The following MAP2K1 variants were observed in gnomAD, a reference collection of about 807,000 sequenced individuals.
MAP2K1 encodes the protein mitogen-activated protein kinase kinase 1.
MAP2K1 carries 16 observed loss-of-function variants against 46.3 expected under a neutral mutation model. The ratio of observed to expected loss-of-function variants is 0.35; its 90% CI spans 0.23 to 0.52. MAP2K1 has a LOEUF of 0.52. Ranked by LOEUF, MAP2K1 falls within the 20% of genes least tolerant of loss-of-function variation. The probability of loss-of-function intolerance (pLI) is 0.94; values close to 1 mark genes in which losing one functional copy is unlikely to be tolerated. For missense variants in MAP2K1, 263 were observed against 497.1 expected (o/e 0.53, Z 4.48); for synonymous variants, 183 against 185.6 (o/e 0.99, Z 0.11).
At chr15:66,482,413 CCTCA>C (rs1238979993) in intron 6 of MAP2K1, among the ~76,000 whole-genome samples, 3 of 152,180 alleles carry the variant, frequency 2.0e-5, no homozygotes, top group African/African-American at 7.2e-5. Context: ...TTTTCTCCCT[CCTCA>C]CTATGTCTGT....
intron 5 of MAP2K1, among the ~76,000 whole-genome samples, chr15:66,452,890 A>C (rs1307938010): frequency 6.6e-6 from 1 of 152,130 alleles, no homozygotes; most frequent in Non-Finnish European, 1.5e-5. Flanking sequence ...TCTCTCATTA[A>C]CCTGTAAGTT....
At chr15:66,420,703 T>G (rs199903460) in intron 1 of MAP2K1, among the ~76,000 whole-genome samples, 2 of 23,902 alleles carry the variant, frequency 8.4e-5, no homozygotes, top group South Asian at 2.8e-3. Flanking sequence ...TACTTACTCT[T>G]GGCATATATA....
chr15:66,476,012 G>A (rs2140657508), intron 5 of MAP2K1, among the ~76,000 whole-genome samples: 1 of 152,316 alleles, frequency 6.6e-6, no homozygotes, highest in Admixed American at 6.5e-5. Flanking sequence ...GCTTTGAATA[G>A]TGTTATTCCT....
In MAP2K1 at chr15:66,443,357, T is replaced by C. The variant is rs768918234; in HGVS notation, c.516T>C (p.Ala172=). 1 of 1,589,546 alleles carries C rather than the reference T, an allele frequency of 6.3e-7. No homozygotes were observed. The highest frequency in any genetic ancestry group is 2.2e-5 in the East Asian group (1 of 44,714). The change falls in exon 4 of 11, where the codon GCT becomes GCC. Residue 172 remains alanine, a splice_region_variant and synonymous_variant. Coordinates refer to ENST00000307102, the MANE Select transcript of MAP2K1 (RefSeq NM_002755.4). ...AAATTTTAGGAAAAGTTAGCATTGC[T>C]GTGAGTATGTTATGAAGTTTTTCTT... The part of the protein sequence containing the change: ...PEQILGKVSI[A]VIKGLTYLRE...
At chr15:66,428,883 A>C (rs909947143) in intron 1 of MAP2K1, among the ~76,000 whole-genome samples, 1 of 143,160 alleles carries the variant, frequency 7.0e-6, no homozygotes, top group African/African-American at 2.6e-5. Context: ...AGGCTCTGGT[A>C]ATTCTCTCAC....
intron 3 of MAP2K1, among the ~76,000 whole-genome samples, chr15:66,438,281 G>T (rs2140587602): frequency 6.6e-6 from 1 of 151,868 alleles, no homozygotes; most frequent in South Asian, 2.1e-4. Flanking sequence ...TAGAGATGGG[G>T]TTTCACCATG....
intron 1 of MAP2K1, among the ~76,000 whole-genome samples, chr15:66,392,907 A>G (rs968238891): frequency 2.6e-5 from 4 of 152,150 alleles, no homozygotes; most frequent in Admixed American, 1.3e-4. Context: ...ATGCTATACA[A>G]TATGTGTCTA....
At chr15:66,438,432 G>T (rs1325078177) in intron 3 of MAP2K1, among the ~76,000 whole-genome samples, 1 of 152,030 alleles carries the variant, frequency 6.6e-6, no homozygotes. Flanking sequence ...GATACTAGGA[G>T]GCTTCTTCAT....
At chr15:66,461,536 G>C (rs955459614) in intron 5 of MAP2K1, among the ~76,000 whole-genome samples, 4 of 151,716 alleles carry the variant, frequency 2.6e-5, no homozygotes, top group Non-Finnish European at 5.9e-5. Context: ...ATAGAGTCTA[G>C]TGATATAGCT....
At chr15:66,436,676 A>G (rs1261696090) in intron 2 of MAP2K1, 70 bp from the exon 3 acceptor site, 3 of 1,453,700 alleles carry the variant, frequency 2.1e-6, no homozygotes, top group African/African-American at 1.4e-5. Flanking sequence ...AACATTTAAC[A>G]AGACTATATC....
intron 1 of MAP2K1, among the ~76,000 whole-genome samples, chr15:66,394,613 G>T (rs2093363529): frequency 6.6e-6 from 1 of 151,950 alleles, no homozygotes; most frequent in Non-Finnish European, 1.5e-5. Context: ...GTACCACCAT[G>T]CCTGGCTAAT....
chr15:66,415,193 A>G, intron 1 of MAP2K1: 1 of 512,330 alleles, frequency 2.0e-6, no homozygotes, highest in South Asian at 1.4e-5. Flanking sequence ...GGTATGACTG[A>G]TGCCATCTTG....
At chr15:66,462,893 A>G (rs1238834393) in intron 5 of MAP2K1, among the ~76,000 whole-genome samples, 1 of 152,166 alleles carries the variant, frequency 6.6e-6, no homozygotes, top group Non-Finnish European at 1.5e-5. Flanking sequence ...TCGGGAAGGG[A>G]TGGGACAAGA....
chr15:66,404,775 G>C (rs113892941), intron 1 of MAP2K1, among the ~76,000 whole-genome samples: 6 of 151,420 alleles, frequency 4.0e-5, no homozygotes, highest in Non-Finnish European at 5.9e-5. Flanking sequence ...GAGGGGACAC[G>C]GTGAGCGGAA....
chr15:66,461,260 C>T (rs1892311920), intron 5 of MAP2K1, among the ~76,000 whole-genome samples: 1 of 152,002 alleles, frequency 6.6e-6, no homozygotes, highest in South Asian at 2.1e-4. Context: ...GAGGCTGAGG[C>T]AGGTGGATCA....
intron 5 of MAP2K1, among the ~76,000 whole-genome samples, chr15:66,468,492 T>C (rs552468221): frequency 2.6e-5 from 4 of 152,302 alleles, no homozygotes; most frequent in South Asian, 4.1e-4. Context: ...CATACAATTA[T>C]AGAAATCTAT....
intron 1 of MAP2K1, among the ~76,000 whole-genome samples, chr15:66,412,193 A>C (rs1379139457): frequency 6.6e-6 from 1 of 152,228 alleles, no homozygotes; most frequent in Non-Finnish European, 1.5e-5. Flanking sequence ...AACTTACTGC[A>C]TAGCTAATAA....
At chr15:66,471,650 T>C (rs942205778) in intron 5 of MAP2K1, among the ~76,000 whole-genome samples, 39 of 63,962 alleles carry the variant, frequency 6.1e-4, no homozygotes, top group African/African-American at 2.2e-3. Context: ...GCTCAAACAA[T>C]AAAGATGATT....
At chr15:66,488,464 T>C (rs923429907) in intron 8 of MAP2K1, among the ~76,000 whole-genome samples, 10 of 152,174 alleles carry the variant, frequency 6.6e-5, no homozygotes, top group Admixed American at 6.5e-4. Flanking sequence ...ATTATGTCTG[T>C]GGGTCAGCAT....
Sources: allele counts gnomAD v4.1 joint callset (sites outside exome capture counted in the v4.1 genomes callset), GRCh38; gene constraint gnomAD v4.1.1; transcripts MANE v1.5; gene names NCBI Gene and HGNC (gene_info 2026-07-23, HGNC 2026-07-21).